The following GRIK3 variants were observed in gnomAD, a reference collection of about 807,000 sequenced individuals.
GRIK3 encodes glutamate receptor ionotropic, kainate 3.
Under a neutral mutation model 102.5 loss-of-function variants are expected in GRIK3, and 29 were observed. The ratio of observed to expected loss-of-function variants is 0.28; its 90% CI spans 0.21 to 0.39. The LOEUF is 0.39. GRIK3 is among the 10% of genes least tolerant of loss of function. GRIK3 has a pLI of 1.00. For missense variants in GRIK3, 908 were observed against 1,252.4 expected, an observed-to-expected ratio of 0.73 and a Z score of 4.15; for synonymous variants, 511 against 504.9, an observed-to-expected ratio of 1.01 and a Z score of -0.16.
chr1:36,848,785 GTTTT>G (rs745603404), intron 9 of GRIK3, among the ~76,000 whole-genome samples: 2 of 140,568 alleles, frequency 1.4e-5, no homozygotes, highest in African/African-American at 5.2e-5. Flanking sequence ...TACATCACAG[GTTTT>G]TTTTTTTTTT....
chr1:36,799,760 A>C lies in GRIK3; in HGVS notation c.*2091T>G, dbSNP rs1223716223. 1 of 151,904 alleles carries C rather than the reference A, an allele frequency of 6.6e-6. No individual in the cohort carries two copies. Among genetic ancestry groups the C allele is most frequent in the East Asian group, 1.9e-4 (1 of 5,178 alleles). The allele number at this position is 151,904 out of a possible 1,614,324, so 9.4% of individuals were successfully genotyped here. The stretch of plus-strand genomic sequence containing the variant: ...TATTTGTCTCCCTCGTCCCCAATTC[A>C]CTCAGATACACATACGCACGCATAT... On this transcript the variant is annotated 3_prime_UTR_variant, in exon 16 of 16. Transcript: ENST00000373091.
At chr1:36,881,860 TTC>T (rs752808028) in intron 2 of GRIK3, among the ~76,000 whole-genome samples, 27 of 152,180 alleles carry the variant, frequency 1.8e-4, no homozygotes, top group South Asian at 4.1e-4. Context: ...TCTCCCATCC[TTC>T]TTTCCCTCCC....
chr1:36,973,578 C>A (rs532720187), intron 1 of GRIK3, among the ~76,000 whole-genome samples: 10 of 142,378 alleles, frequency 7.0e-5, no homozygotes, highest in African/African-American at 1.4e-4. Context: ...CGCCACCACG[C>A]CCGGCTAATT....
chr1:36,881,732 G>A (rs1326003308), intron 2 of GRIK3, among the ~76,000 whole-genome samples: 4 of 152,232 alleles, frequency 2.6e-5, no homozygotes, highest in East Asian at 1.9e-4. Context: ...GGTAGATTAC[G>A]TCACTCCTTT....
intron 9 of GRIK3, among the ~76,000 whole-genome samples, chr1:36,844,399 C>T (rs1199208803): frequency 6.6e-6 from 1 of 152,238 alleles, no homozygotes; most frequent in Non-Finnish European, 1.5e-5. Context: ...AGGACATCGG[C>T]TGGTCCATGC....
At position 36,819,411 on chromosome 1, in the gene GRIK3, G is replaced by A. The variant is rs910434795; in HGVS notation, c.1873+325C>T. The stretch of plus-strand genomic sequence containing the variant: ...CTGGATTGTGTGGTGATGAGGCCAT[G>A]GGCAGGGTCAGCCGCAGCCAGCAGG... On this transcript the variant is annotated intron_variant, in intron 12 of 15. Transcript: ENST00000373091. The surrounding 1 kb of genome is among the most constrained non-coding windows in gnomAD (Gnocchi z 4.1). 2.6e-5 allele frequency among the ~76,000 whole-genome samples: 4 copies of A among 152,214 alleles called. No individual in the cohort carries two copies. Among genetic ancestry groups the A allele is most frequent in the Non-Finnish European group, 5.9e-5 (4 of 68,042 alleles).
Position 36,970,682 on chromosome 1 carries a change from T to A in GRIK3, c.115+63312A>T, listed in dbSNP as rs117512911. 1.0e-3 allele frequency among the ~76,000 whole-genome samples: 155 copies of A among 152,242 alleles called. 4 individuals are homozygous for A. The East Asian group carries it at 0.027, about 26-fold the overall frequency. On this transcript the variant is annotated intron_variant, in intron 1 of 15. Coordinates refer to ENST00000373091, the MANE Select transcript of GRIK3 (RefSeq NM_000831.4). ...ACTGGCTCCCAACACTTCTCTAGGG[T>A]TCCTCTTCCCCAGCCCACTCCACTG...
chr1:37,027,782 C>T (rs1361161986), intron 1 of GRIK3, among the ~76,000 whole-genome samples: 1 of 152,116 alleles, frequency 6.6e-6, no homozygotes, highest in Non-Finnish European at 1.5e-5. Flanking sequence ...GCAGCTTCCC[C>T]TCACTTCCAG....
At chr1:36,827,552 G>A (rs1642768471) in intron 10 of GRIK3, among the ~76,000 whole-genome samples, 2 of 152,184 alleles carry the variant, frequency 1.3e-5, no homozygotes, top group African/African-American at 4.8e-5. Flanking sequence ...ACAGACACCA[G>A]GGATACAGAG....
chr1:36,833,719 C>T (rs537670174), intron 10 of GRIK3, among the ~76,000 whole-genome samples: 1 of 152,328 alleles, frequency 6.6e-6, no homozygotes, highest in East Asian at 1.9e-4. Context: ...CAGATCTTCC[C>T]GTCACACCTG....
chr1:36,925,761 G>A (rs1192649480), intron 1 of GRIK3, among the ~76,000 whole-genome samples: 1 of 152,236 alleles, frequency 6.6e-6, no homozygotes, highest in Admixed American at 6.5e-5. Flanking sequence ...CATTTGGAAT[G>A]TCTGGGTCCC....
chr1:37,013,337 T>C (rs1274439630), intron 1 of GRIK3, among the ~76,000 whole-genome samples: 6 of 152,062 alleles, frequency 3.9e-5, no homozygotes, highest in African/African-American at 1.4e-4. Context: ...CAGACACAAA[T>C]ATGTGTTAAA....
intron 3 of GRIK3, among the ~76,000 whole-genome samples, chr1:36,875,011 T>C (rs368704526): frequency 6.6e-6 from 1 of 152,346 alleles, no homozygotes; most frequent in South Asian, 2.1e-4. Context: ...CTGCAGTGAA[T>C]CATGGTTGTT....
chr1:36,991,837 C>T (rs1642366400), intron 1 of GRIK3, among the ~76,000 whole-genome samples: 1 of 152,238 alleles, frequency 6.6e-6, no homozygotes, highest in South Asian at 2.1e-4. Flanking sequence ...CAGTGGCTGC[C>T]TCTGCACAGA....
chr1:37,018,895 G>A (rs1283669623), intron 1 of GRIK3, among the ~76,000 whole-genome samples: 2 of 152,106 alleles, frequency 1.3e-5, no homozygotes, highest in Non-Finnish European at 2.9e-5. Flanking sequence ...AGGAGCAAAA[G>A]TACAGCCATT....
chr1:36,865,508 G>A (rs1013971378), intron 5 of GRIK3, among the ~76,000 whole-genome samples: 1 of 152,226 alleles, frequency 6.6e-6, no homozygotes, highest in Non-Finnish European at 1.5e-5. Context: ...GGATCCTGAA[G>A]ACCGGAAGCA....
At chr1:36,969,659 G>A (rs926878678) in intron 1 of GRIK3, among the ~76,000 whole-genome samples, 4 of 152,182 alleles carry the variant, frequency 2.6e-5, no homozygotes, top group Admixed American at 1.3e-4. Flanking sequence ...GAGGATATTC[G>A]AAAGGGCTTC....
intron 1 of GRIK3, among the ~76,000 whole-genome samples, chr1:36,994,308 C>G (rs1307047379): frequency 2.6e-5 from 4 of 152,360 alleles, no homozygotes; most frequent in East Asian, 1.9e-4. Flanking sequence ...TAAAGAGCTT[C>G]ACACGCTACC....
intron 1 of GRIK3, among the ~76,000 whole-genome samples, chr1:36,967,484 G>A (rs1308817384): frequency 6.6e-6 from 1 of 152,220 alleles, no homozygotes; most frequent in Admixed American, 6.5e-5. Context: ...TGGGTCATCT[G>A]TGTCTCTATG....
Sources: gnomAD v4.1 joint callset for allele counts (sites outside exome capture counted in the v4.1 genomes callset) on GRCh38, gnomAD v4.1.1 for gene constraint, Gnocchi (gnomAD v3.1) non-coding constraint, MANE v1.5 for transcripts, NCBI Gene and HGNC (gene_info 2026-07-23, HGNC 2026-07-21) for gene names.